Variants in CREBL2 observed in about 807,000 individuals in gnomAD.
CREBL2 encodes cAMP-responsive element-binding protein-like 2.
In CREBL2, 4 loss-of-function variants were observed where a neutral mutation model predicts 19.5. The ratio of observed to expected loss-of-function variants is 0.20; its 90% CI spans 0.10 to 0.47. CREBL2 has a LOEUF of 0.47. Among genes scored for constraint, CREBL2 ranks in the 20% least tolerant of loss-of-function variants. The pLI, the probability that CREBL2 is intolerant of heterozygous loss-of-function variation, is 0.98. For missense variants in CREBL2, 85 were observed against 145.1 expected, an observed-to-expected ratio of 0.59 and a Z score of 2.13; for synonymous variants, 42 against 46.6, an observed-to-expected ratio of 0.90 and a Z score of 0.40.
At chr12:12,622,257 G>C (rs16908272) in intron 1 of CREBL2, among the ~76,000 whole-genome samples, 1,943 of 152,256 alleles carry the variant, frequency 0.013, 20 homozygotes, top group Non-Finnish European at 0.021. Context: ...ACAGAAGAAA[G>C]GCCTGGACTG....
chr12:12,641,953 A>G, intron 3 of CREBL2, 41 bp from the exon 4 acceptor site: 1 of 1,434,498 alleles, frequency 7.0e-7, no homozygotes, highest in South Asian at 1.2e-5. Context: ...AACTTTATTG[A>G]CTCTAAAAAC....
intron 1 of CREBL2, among the ~76,000 whole-genome samples, chr12:12,612,819 G>A (rs1335567996): frequency 6.6e-6 from 1 of 152,168 alleles, no homozygotes; most frequent in Non-Finnish European, 1.5e-5. Flanking sequence ...TAAAATAATA[G>A]ATAATGTTCA....
intron 1 of CREBL2, chr12:12,632,408 CAGT>C: frequency 6.6e-6 from 1 of 152,140 alleles, no homozygotes; most frequent in South Asian, 2.1e-4. Context: ...AGGAATAACA[CAGT>C]TCCAATTAAA....
In CREBL2 at chr12:12,635,017, G is replaced by A. The variant is rs143772137; in HGVS notation, c.16-760G>A. ...TTCAAGACCGCAGTGAGCTATGATG[G>A]TGCCACTGTGCTCCAGCCTGGGTAA... is the stretch of plus-strand genomic sequence containing the variant. On this transcript the variant is annotated intron_variant, in intron 1 of 3. Coordinates refer to ENST00000228865, the MANE Select transcript of CREBL2 (RefSeq NM_001310.4). Among the ~76,000 whole-genome samples, 284 of 151,844 alleles carry A rather than the reference G, an allele frequency of 1.9e-3. 2 individuals are homozygous for A. Among genetic ancestry groups the A allele is most frequent in the African/African-American group, 6.7e-3 (277 of 41,360 alleles).
At chr12:12,637,014 T>C (rs1244665800) in intron 2 of CREBL2, among the ~76,000 whole-genome samples, 4 of 152,322 alleles carry the variant, frequency 2.6e-5, no homozygotes, top group East Asian at 3.9e-4. Context: ...TTTTTTGATA[T>C]GTTGAATGTG....
chr12:12,621,107 A>C (rs1945355777), intron 1 of CREBL2, among the ~76,000 whole-genome samples: 1 of 152,242 alleles, frequency 6.6e-6, no homozygotes, highest in Non-Finnish European at 1.5e-5. Flanking sequence ...CTTTCTGTAA[A>C]GGGCCATGCA....
intron 1 of CREBL2, among the ~76,000 whole-genome samples, chr12:12,626,919 C>T (rs1175123166): frequency 6.7e-6 from 1 of 150,028 alleles, no homozygotes; most frequent in Non-Finnish European, 1.5e-5. Flanking sequence ...AATAAACAAG[C>T]TATCAAGCCA....
intron 3 of CREBL2, 80 bp downstream of exon 3, chr12:12,637,794 A>G (rs1945486873): frequency 7.0e-7 from 1 of 1,421,280 alleles, no homozygotes; most frequent in Non-Finnish European, 9.3e-7. Context: ...TAATCCTAGC[A>G]CTTTGGGAGG....
chr12:12,636,274 C>T lies in CREBL2; in HGVS notation c.213+300C>T, dbSNP rs983229910. 4.6e-5 allele frequency among the ~76,000 whole-genome samples: 7 copies of T among 151,980 alleles called. No individual in the cohort carries two copies. The South Asian group carries it at 6.2e-4, about 13-fold the overall frequency. ...ACTACATCCATGTATTAGACTACTT[C>T]GTAGCCAGTAAAAATCACAATGCAC... On this transcript the variant is annotated intron_variant, in intron 2 of 3. Coordinates refer to ENST00000228865, the MANE Select transcript of CREBL2 (RefSeq NM_001310.4).
intron 1 of CREBL2, among the ~76,000 whole-genome samples, chr12:12,617,814 C>T (rs1413229068): frequency 3.3e-5 from 5 of 151,498 alleles, no homozygotes; most frequent in South Asian, 4.2e-4. Context: ...GAGGACCCTG[C>T]GGCCTTCCGC....
chr12:12,622,495 G>A (rs1250268967), intron 1 of CREBL2, among the ~76,000 whole-genome samples: 1 of 152,166 alleles, frequency 6.6e-6, no homozygotes, highest in African/African-American at 2.4e-5. Context: ...AGAGTGGAGA[G>A]ACTTTTAAAA....
At chr12:12,624,284 T>A (rs1945383690) in intron 1 of CREBL2, among the ~76,000 whole-genome samples, 3 of 152,224 alleles carry the variant, frequency 2.0e-5, no homozygotes, top group Admixed American at 6.5e-5. Flanking sequence ...ACCCTAAAGT[T>A]ATTAAAAGAA....
intron 1 of CREBL2, among the ~76,000 whole-genome samples, chr12:12,624,159 A>G (rs903932503): frequency 6.6e-6 from 1 of 152,252 alleles, no homozygotes; most frequent in Non-Finnish European, 1.5e-5. Context: ...CTTAGTAAGT[A>G]GTGCTGAGCC....
chr12:12,612,100 G>A lies in CREBL2; in HGVS notation c.-73G>A, dbSNP rs1002394517. ...TATCCCCTTCTTCCTCGGGGCGGGG[G>A]CCGGGCCAGGCCGGCTGAGCCGGGG... is the stretch of plus-strand genomic sequence containing the variant. On this transcript the variant is annotated 5_prime_UTR_variant, in exon 1 of 4. Coordinates refer to ENST00000228865, the MANE Select transcript of CREBL2 (RefSeq NM_001310.4). 6.3e-7 allele frequency: 1 copy of A among 1,580,352 alleles called. No individual in the cohort carries two copies.
At position 12,643,853 on chromosome 12, in the gene CREBL2, T is replaced by C. The variant is rs1324411698; in HGVS notation, c.*1855T>C. The stretch of plus-strand genomic sequence containing the variant: ...GAATTTAAGGGTTTTAAATATAGCA[T>C]TCAGATTGTAATTGGTATGTTTTTG... On this transcript the variant is annotated 3_prime_UTR_variant, in exon 4 of 4. Transcript: ENST00000228865. 6.5e-6 allele frequency: 1 copy of C among 152,672 alleles called. No homozygotes were observed. Among genetic ancestry groups the C allele is most frequent in the African/African-American group, 2.4e-5 (1 of 41,464 alleles). 9.5% of individuals were successfully genotyped at this position (152,672 alleles called of 1,614,324 possible).
chr12:12,638,400 G>A (rs1233700712), intron 3 of CREBL2, among the ~76,000 whole-genome samples: 1 of 152,062 alleles, frequency 6.6e-6, no homozygotes, highest in South Asian at 2.1e-4. Flanking sequence ...TCATGCCATT[G>A]CACTCCAGCC....
intron 1 of CREBL2, among the ~76,000 whole-genome samples, chr12:12,617,330 C>T (rs11054994): frequency 6.6e-6 from 1 of 152,122 alleles, no homozygotes; most frequent in Non-Finnish European, 1.5e-5. Context: ...TTTGGCATCT[C>T]TAAAGTGGGG....
intron 1 of CREBL2, among the ~76,000 whole-genome samples, chr12:12,635,257 G>A (rs976423464): frequency 2.6e-5 from 4 of 151,492 alleles, no homozygotes; most frequent in East Asian, 3.9e-4. Context: ...TAGTTACAGC[G>A]ACACGGGAGG....
intron 1 of CREBL2, among the ~76,000 whole-genome samples, chr12:12,626,536 C>T (rs1945402947): frequency 6.6e-6 from 1 of 152,148 alleles, no homozygotes; most frequent in Non-Finnish European, 1.5e-5. Context: ...CACTAGGCAA[C>T]CATGTCTTTT....
Sources: allele counts gnomAD v4.1 joint callset (sites outside exome capture counted in the v4.1 genomes callset), GRCh38; gene constraint gnomAD v4.1.1; transcripts MANE v1.5; gene names NCBI Gene and HGNC (gene_info 2026-07-23, HGNC 2026-07-21).